Variants in ARHGEF10 observed in about 807,000 individuals in gnomAD.
The protein encoded by ARHGEF10 is Rho guanine nucleotide exchange factor 10.
ARHGEF10 carries 140 observed loss-of-function variants against 147.4 expected under a neutral mutation model. The ratio of observed to expected loss-of-function variants is 0.95; its 90% CI spans 0.83 to 1.09. The LOEUF (loss-of-function observed/expected upper bound fraction) is 1.09, where lower values mean the gene tolerates loss of function less well. Among genes scored for constraint, ARHGEF10 ranks in the 50% least tolerant of loss-of-function variants. The probability of loss-of-function intolerance (pLI) is 0.00; values close to 1 mark genes in which losing one functional copy is unlikely to be tolerated. For synonymous variants in ARHGEF10, 902 were observed against 695.8 expected, an observed-to-expected ratio of 1.30 and a Z score of -4.67; for missense variants, 2,222 against 1,752.7, an observed-to-expected ratio of 1.27 and a Z score of -4.78.
chr8:1,860,313 C>T, intron 4 of ARHGEF10, 129 bp downstream of exon 4: 4 of 1,283,450 alleles, frequency 3.1e-6, no homozygotes, highest in Non-Finnish European at 4.4e-6. Context: ...AGAGTCCGGG[C>T]CTGACCTTCC....
chr8:1,940,712 A>G (rs1406266924), intron 26 of ARHGEF10, among the ~76,000 whole-genome samples: 2 of 152,234 alleles, frequency 1.3e-5, no homozygotes, highest in East Asian at 1.9e-4. Context: ...CACGGATGCA[A>G]AAATCCTCAA....
intron 9 of ARHGEF10, among the ~76,000 whole-genome samples, chr8:1,881,297 T>G (rs1378866104): frequency 6.6e-6 from 1 of 152,116 alleles, no homozygotes; most frequent in African/African-American, 2.4e-5. Flanking sequence ...TCAGGGAGCA[T>G]GGCGGCCCTC....
intron 2 of ARHGEF10, among the ~76,000 whole-genome samples, chr8:1,850,691 C>A (rs541710022): frequency 6.6e-6 from 1 of 152,252 alleles, no homozygotes; most frequent in South Asian, 2.1e-4. Context: ...AGCCATGCCC[C>A]GGCGTATTTA....
At chr8:1,922,907 G>T in intron 18 of ARHGEF10, 57 bp from the exon 19 acceptor site, 1 of 1,220,476 alleles carries the variant, frequency 8.2e-7, no homozygotes, top group South Asian at 1.2e-5. Flanking sequence ...CTCAAGTATT[G>T]GAGTAAATAT....
chr8:1,923,403 A>T, intron 19 of ARHGEF10, 65 bp from the exon 20 acceptor site: 1 of 1,604,648 alleles, frequency 6.2e-7, no homozygotes, highest in Non-Finnish European at 8.5e-7. Context: ...GTGTCTTTTT[A>T]TCTTCCTTGG....
chr8:1,879,729 T>C (rs1808019354), intron 8 of ARHGEF10, among the ~76,000 whole-genome samples: 1 of 152,050 alleles, frequency 6.6e-6, no homozygotes, highest in African/African-American at 2.4e-5. Context: ...ATTTTTGTAA[T>C]TTTAATAGAG....
rs765880709 is a variant in ARHGEF10 at position 1,925,359 on chromosome 8, C to T, written c.2565C>T (p.Leu855=). 4.9e-5 allele frequency: 79 copies of T among 1,614,056 alleles called. No homozygotes were observed. Among genetic ancestry groups the T allele is most frequent in the East Asian group, 4.5e-4 (20 of 44,888 alleles). ...NHIKKEKHPL[L]VGHMPVMVAK... is the part of the protein sequence containing the mutation. ...TTAAAAAGGAGAAGCATCCTCTCCT[C>T]GTCGGACACATGCCCGTGATGGTGG... The change falls in exon 22 of 29, where the codon CTC becomes CTT. Residue 855 remains leucine, a synonymous_variant. Transcript: ENST00000349830.
intron 11 of ARHGEF10, among the ~76,000 whole-genome samples, chr8:1,887,314 C>G (rs1433040711): frequency 6.6e-6 from 1 of 152,248 alleles, no homozygotes; most frequent in Non-Finnish European, 1.5e-5. Context: ...CCAGAAGAGT[C>G]AGGAGACCTT....
At chr8:1,841,020 C>T (rs1208679881) in intron 1 of ARHGEF10, among the ~76,000 whole-genome samples, 1 of 152,168 alleles carries the variant, frequency 6.6e-6, no homozygotes, top group African/African-American at 2.4e-5. Context: ...CTCACTTGCC[C>T]CCTCTCCCGG....
chr8:1,861,440 C>G (rs1806124877), intron 4 of ARHGEF10, among the ~76,000 whole-genome samples: 1 of 152,230 alleles, frequency 6.6e-6, no homozygotes, highest in South Asian at 2.1e-4. Context: ...GTCGAGGCGT[C>G]TCAGCCGAAG....
At chr8:1,885,058 C>T (rs868023637) in intron 10 of ARHGEF10, among the ~76,000 whole-genome samples, 4 of 152,188 alleles carry the variant, frequency 2.6e-5, no homozygotes, top group African/African-American at 4.8e-5. Flanking sequence ...AGCCACCCCA[C>T]CCAACTGTGA....
At chr8:1,862,889 C>A (rs1204024764) in intron 4 of ARHGEF10, among the ~76,000 whole-genome samples, 1 of 151,388 alleles carries the variant, frequency 6.6e-6, no homozygotes, top group Non-Finnish European at 1.5e-5. Context: ...CACCGTTCTC[C>A]TGCCTCAGCC....
Position 1,896,457 on chromosome 8 carries a change from C to CTTTTT in ARHGEF10, c.1557+14_1557+18dup. 6.7e-7 allele frequency: 1 copy of CTTTTT among 1,498,818 alleles called. No individual in the cohort carries two copies. The highest frequency in any genetic ancestry group is 9.1e-7 in the Non-Finnish European group (1 of 1,093,428). 92.8% of individuals were successfully genotyped at this position (1,498,818 alleles called of 1,614,324 possible). ...TTTCTTGAATTTTTAAAGGTAAGCG[C>CTTTTT]TTTTTTTTTTCATTTGGGTTTTAAC... On this transcript the variant is annotated intron_variant, in intron 14 of 28. Coordinates refer to ENST00000349830, the MANE Select transcript of ARHGEF10 (RefSeq NM_014629.4).
chr8:1,867,721 A>C (rs1034451374), intron 6 of ARHGEF10, among the ~76,000 whole-genome samples: 1 of 152,214 alleles, frequency 6.6e-6, no homozygotes, highest in African/African-American at 2.4e-5. Flanking sequence ...TTTTTAAAGG[A>C]AAAGCAAGAT....
chr8:1,870,750 T>C (rs1807041666), intron 7 of ARHGEF10: 1 of 152,276 alleles, frequency 6.6e-6, no homozygotes, highest in Non-Finnish European at 1.5e-5. Flanking sequence ...ATCAGAAATA[T>C]GTAAATACGC....
chr8:1,825,565 C>G (rs746010594), intron 1 of ARHGEF10, among the ~76,000 whole-genome samples: 3 of 150,840 alleles, frequency 2.0e-5, no homozygotes, highest in Admixed American at 2.0e-4. Flanking sequence ...AAGGTAGATT[C>G]TGAGGAAACT....
Position 1,856,574 on chromosome 8 carries a change from C to T in ARHGEF10, c.38-1386C>T, listed in dbSNP as rs577902179. Among the ~76,000 whole-genome samples the T allele has an allele frequency of 1.3e-4, 20 of 152,348 alleles. No individual in the cohort carries two copies. The East Asian group carries it at 2.9e-3, about 22-fold the overall frequency. ...CGGGAGGCGACTTCCCCAGGAGGCT[C>T]GGCAGAGAGCGCCTGGAGACTGCGT... On this transcript the variant is annotated intron_variant, in intron 2 of 28. Coordinates refer to ENST00000349830, the MANE Select transcript of ARHGEF10 (RefSeq NM_014629.4).
At chr8:1,888,533 AGGAGACGCTGAGTGGGGTGAGGTATGG>A (rs1257704701) in intron 11 of ARHGEF10, among the ~76,000 whole-genome samples, 5 of 110,930 alleles carry the variant, frequency 4.5e-5, no homozygotes, top group Non-Finnish European at 8.8e-5. Flanking sequence ...GGGGTCTGTG[AGGAGACGCTGAGTGGGGTGAGGTATGG>A]GGAGACACTG....
chr8:1,890,112 TGTGA>T (rs1809341956), intron 11 of ARHGEF10, among the ~76,000 whole-genome samples: 1 of 119,788 alleles, frequency 8.3e-6, no homozygotes, highest in African/African-American at 3.3e-5. Flanking sequence ...CCGAGTGCCG[TGTGA>T]GTTGTGAGAA....
Sources: allele counts gnomAD v4.1 joint callset (sites outside exome capture counted in the v4.1 genomes callset), GRCh38; gene constraint gnomAD v4.1.1; transcripts MANE v1.5; gene names NCBI Gene and HGNC (gene_info 2026-07-23, HGNC 2026-07-21).